Variants in UXS1 observed in about 807,000 individuals in gnomAD.
UXS1 encodes UDP-glucuronic acid decarboxylase 1.
UXS1 carries 33 observed loss-of-function variants against 62.6 expected under a neutral mutation model. That is an observed-to-expected ratio of 0.53 (90% confidence interval 0.40 to 0.70). The LOEUF is 0.70. UXS1 is among the 30% of genes least tolerant of loss of function. The pLI, the probability that UXS1 is intolerant of heterozygous loss-of-function variation, is 0.00. For synonymous variants in UXS1, 213 were observed against 206.8 expected, an observed-to-expected ratio of 1.03 and a Z score of -0.26; for missense variants, 434 against 556.3, an observed-to-expected ratio of 0.78 and a Z score of 2.21.
chr2:106,175,397 G>A (rs1481356688), intron 1 of UXS1, among the ~76,000 whole-genome samples: 2 of 152,188 alleles, frequency 1.3e-5, no homozygotes, highest in East Asian at 3.8e-4. Flanking sequence ...GCTACATGGA[G>A]CCTTTATACC....
intron 1 of UXS1, among the ~76,000 whole-genome samples, chr2:106,178,835 C>T (rs1684069432): frequency 6.6e-6 from 1 of 151,968 alleles, no homozygotes; most frequent in Admixed American, 6.6e-5. Context: ...CACCCAGTGC[C>T]CCCCAGCCTT....
intron 1 of UXS1, among the ~76,000 whole-genome samples, chr2:106,181,898 A>C (rs1460954003): frequency 6.6e-6 from 1 of 152,182 alleles, no homozygotes; most frequent in Non-Finnish European, 1.5e-5. Context: ...GGCACTTTCT[A>C]AAAGTTAAGA....
intron 1 of UXS1, among the ~76,000 whole-genome samples, chr2:106,174,379 G>A (rs1259325006): frequency 6.6e-6 from 1 of 152,230 alleles, no homozygotes. Context: ...GAGGGAGGAG[G>A]TGAACAGAGA....
At chr2:106,126,884 G>A (rs562907798) in intron 7 of UXS1, among the ~76,000 whole-genome samples, 1 of 152,230 alleles carries the variant, frequency 6.6e-6, no homozygotes, top group East Asian at 1.9e-4. Context: ...ATCCCTCACA[G>A]GGCCCTTCTA....
At chr2:106,178,496 A>G (rs1373808889) in intron 1 of UXS1, among the ~76,000 whole-genome samples, 1 of 138,656 alleles carries the variant, frequency 7.2e-6, no homozygotes, top group Admixed American at 7.7e-5. Flanking sequence ...ATATATAAGT[A>G]TGTGTATGTA....
At chr2:106,166,959 A>G (rs1683253069) in intron 1 of UXS1, among the ~76,000 whole-genome samples, 1 of 152,212 alleles carries the variant, frequency 6.6e-6, no homozygotes, top group African/African-American at 2.4e-5. Flanking sequence ...TGATGATGAA[A>G]GCAAACCCAG....
intron 1 of UXS1, among the ~76,000 whole-genome samples, chr2:106,167,010 G>A (rs755065150): frequency 2.6e-5 from 4 of 152,120 alleles, no homozygotes; most frequent in Admixed American, 6.5e-5. Flanking sequence ...TAACTCCAAC[G>A]GGAGTGCCAT....
intron 4 of UXS1, among the ~76,000 whole-genome samples, chr2:106,163,345 C>T (rs1407712481): frequency 1.3e-5 from 2 of 152,208 alleles, no homozygotes; most frequent in Non-Finnish European, 2.9e-5. Flanking sequence ...TTCAGGCCCA[C>T]TGGATTGTCC....
chr2:106,100,886 G>C, intron 12 of UXS1, 172 bp downstream of exon 12: 1 of 807,422 alleles, frequency 1.2e-6, no homozygotes. Flanking sequence ...TTACTTCTTT[G>C]TATACTCTTA....
intron 9 of UXS1, among the ~76,000 whole-genome samples, chr2:106,116,975 A>G (rs144394290): frequency 1.2e-3 from 187 of 152,246 alleles, no homozygotes; most frequent in African/African-American, 4.0e-3. Context: ...TCCCCAAATA[A>G]TATCATTTCA....
At chr2:106,113,375 G>A (rs975953154) in intron 9 of UXS1, among the ~76,000 whole-genome samples, 4 of 152,198 alleles carry the variant, frequency 2.6e-5, no homozygotes, top group Non-Finnish European at 5.9e-5. Flanking sequence ...TAATGGCCTG[G>A]AAAGAGAAAC....
At chr2:106,097,754 T>G (rs1462951199) in intron 13 of UXS1, 1 of 171,782 alleles carries the variant, frequency 5.8e-6, no homozygotes, top group Non-Finnish European at 1.3e-5. Context: ...TGTGAAGGAG[T>G]GGATGGCACA....
intron 11 of UXS1, 69 bp downstream of exon 11, chr2:106,104,725 G>A (rs1677904308): frequency 6.3e-7 from 1 of 1,579,792 alleles, no homozygotes. Context: ...ACACTGAACT[G>A]TCTGTCAAGT....
chr2:106,097,419 A>T, intron 13 of UXS1: 1 of 348,878 alleles, frequency 2.9e-6, no homozygotes, highest in Non-Finnish European at 5.7e-6. Context: ...TGCAGAAGAA[A>T]GCCTGTGGAG....
intron 13 of UXS1, chr2:106,097,263 G>C (rs1358294039): frequency 2.2e-6 from 1 of 453,764 alleles, no homozygotes; most frequent in Admixed American, 2.4e-5. Flanking sequence ...TCGGAGCCTA[G>C]ACAGCCCTGA....
chr2:106,152,486 GGAGGGAGA>G (rs1338210691), intron 5 of UXS1, among the ~76,000 whole-genome samples: 3 of 46,214 alleles, frequency 6.5e-5, no homozygotes, highest in African/African-American at 2.2e-4. Context: ...AGGAAGGAAG[GGAGGGAGA>G]GAGGGAGGGA....
At chr2:106,136,933 A>G (rs1214608501) in intron 6 of UXS1, among the ~76,000 whole-genome samples, 2 of 147,274 alleles carry the variant, frequency 1.4e-5, no homozygotes, top group African/African-American at 5.0e-5. Flanking sequence ...AAAAAAGAAA[A>G]AAAAAAAGAA....
intron 7 of UXS1, 113 bp downstream of exon 7, chr2:106,129,561 G>A: frequency 2.2e-6 from 2 of 894,004 alleles, no homozygotes; most frequent in Non-Finnish European, 3.6e-6. Flanking sequence ...GGGCAATAAG[G>A]GACGAGGGAA....
chr2:106,140,751 T>C (rs1289089981), intron 6 of UXS1, among the ~76,000 whole-genome samples: 2 of 152,224 alleles, frequency 1.3e-5, no homozygotes, highest in Admixed American at 6.5e-5. Flanking sequence ...GGAATATAGT[T>C]AAGTGTTAGC....
Sources: allele counts gnomAD v4.1 joint callset (sites outside exome capture counted in the v4.1 genomes callset), GRCh38; gene constraint gnomAD v4.1.1; transcripts MANE v1.5; gene names NCBI Gene and HGNC (gene_info 2026-07-23, HGNC 2026-07-21).